The following DCAF12 variants were observed in gnomAD, a reference collection of about 807,000 sequenced individuals.
The protein encoded by DCAF12 is DDB1 and CUL4 associated factor 12, also known as DDB1- and CUL4-associated factor 12.
DCAF12 carries 28 observed loss-of-function variants against 52.8 expected under a neutral mutation model. The observed-to-expected ratio is 0.53, with a 90% CI of 0.39 to 0.73. DCAF12 has a LOEUF of 0.73. DCAF12 is among the 30% of genes least tolerant of loss of function. The probability of loss-of-function intolerance (pLI) is 0.00; values close to 1 mark genes in which losing one functional copy is unlikely to be tolerated. For synonymous variants in DCAF12, 196 were observed against 215.5 expected (o/e 0.91, Z 0.79); for missense variants, 425 against 552.2 (o/e 0.77, Z 2.31).
chr9:34,110,163 G>A (rs1004720917), intron 2 of DCAF12, among the ~76,000 whole-genome samples: 8 of 152,034 alleles, frequency 5.3e-5, no homozygotes, highest in African/African-American at 1.9e-4. Flanking sequence ...AACTACCTGA[G>A]AGCAGCAGAC....
chr9:34,104,037 T>G (rs1274564881), intron 4 of DCAF12, among the ~76,000 whole-genome samples: 1 of 151,826 alleles, frequency 6.6e-6, no homozygotes, highest in Non-Finnish European at 1.5e-5. Context: ...GGGAGGCCGA[T>G]GCAGGCAGAT....
chr9:34,118,979 T>A (rs1182879687), intron 2 of DCAF12, among the ~76,000 whole-genome samples: 1 of 151,816 alleles, frequency 6.6e-6, no homozygotes, highest in Admixed American at 6.6e-5. Flanking sequence ...AAGAAAATAA[T>A]AATAATAATA....
chr9:34,118,272 C>T (rs1829117354), intron 2 of DCAF12, among the ~76,000 whole-genome samples: 2 of 152,034 alleles, frequency 1.3e-5, no homozygotes, highest in South Asian at 4.2e-4. Context: ...TAGCCGGGAC[C>T]ACAGGCATGC....
At chr9:34,099,987 C>G (rs1332838953) in intron 4 of DCAF12, among the ~76,000 whole-genome samples, 1 of 152,162 alleles carries the variant, frequency 6.6e-6, no homozygotes, top group African/African-American at 2.4e-5. Context: ...ATCCTCCCCT[C>G]TAGAGCAGTG....
chr9:34,122,815 A>G (rs1829195022), intron 2 of DCAF12, among the ~76,000 whole-genome samples: 2 of 152,192 alleles, frequency 1.3e-5, no homozygotes, highest in Admixed American at 1.3e-4. Context: ...AAATTCCTAC[A>G]CGGCAACAGT....
chr9:34,125,233 A>C lies in DCAF12; in HGVS notation c.123T>G (p.Pro41=). 1 of 1,614,196 alleles carries C rather than the reference A, an allele frequency of 6.2e-7. No homozygotes were observed. Among genetic ancestry groups the C allele is most frequent in the Non-Finnish European group, 8.5e-7 (1 of 1,180,048 alleles). ...HSLHKRKRLP[P]VKRSLVYYLK... ...AGTAGTATACTAAGGATCTCTTCAC[A>C]GGAGGAAGTCTTTTCCTTTTGTGAA... The change falls in exon 2 of 9, where the codon CCT becomes CCG. Residue 41 remains proline (P), a synonymous_variant. Coordinates refer to ENST00000361264, the MANE Select transcript of DCAF12 (RefSeq NM_015397.4).
chr9:34,113,901 G>A (rs1397447390), intron 2 of DCAF12, among the ~76,000 whole-genome samples: 2 of 152,042 alleles, frequency 1.3e-5, no homozygotes, highest in Non-Finnish European at 2.9e-5. Flanking sequence ...GAGGTTAGGA[G>A]ATCGAGACCA....
chr9:34,108,517 C>T (rs149972662), intron 2 of DCAF12, among the ~76,000 whole-genome samples: 12 of 152,040 alleles, frequency 7.9e-5, no homozygotes, highest in Admixed American at 2.0e-4. Flanking sequence ...AAGGGCCGAG[C>T]GCAGTGGCTC....
Position 34,126,573 on chromosome 9 carries a change from G to A in DCAF12, c.-142C>T. ...AAAATGGCCCGGACCCGGAGCGGCA[G>A]CAGAAAAAAGATAGGCGGAAAGAAA... On this transcript the variant is annotated 5_prime_UTR_variant, in exon 1 of 9. Coordinates refer to ENST00000361264, the MANE Select transcript of DCAF12 (RefSeq NM_015397.4). The A allele has an allele frequency of 1.2e-6, 1 of 865,712 alleles. No individual in the cohort carries two copies. The highest frequency in any genetic ancestry group is 1.7e-6 in the Non-Finnish European group (1 of 583,150). 53.6% of individuals were successfully genotyped at this position (865,712 alleles called of 1,614,324 possible). A position where few individuals can be genotyped will look rare whatever the true frequency, so the allele number is the denominator to read the frequency against.
chr9:34,110,608 C>T (rs1459296460), intron 2 of DCAF12, among the ~76,000 whole-genome samples: 7 of 152,134 alleles, frequency 4.6e-5, no homozygotes, highest in Non-Finnish European at 1.0e-4. Context: ...AGACTCTCCT[C>T]GGGGCCAGAC....
chr9:34,094,748 T>C (rs529965863), intron 6 of DCAF12, among the ~76,000 whole-genome samples: 13 of 151,966 alleles, frequency 8.6e-5, no homozygotes, highest in South Asian at 8.3e-4. Flanking sequence ...GCCAGGATGG[T>C]CTCAATCTCC....
chr9:34,120,178 G>C (rs938990294), intron 2 of DCAF12, among the ~76,000 whole-genome samples: 2 of 118,906 alleles, frequency 1.7e-5, no homozygotes, highest in Admixed American at 2.2e-4. Context: ...ACTTCAGCCT[G>C]GGCAACAAGA....
In DCAF12 at chr9:34,089,479, G is replaced by A; in HGVS notation, c.1136C>T (p.Ala379Val). 6.2e-7 allele frequency: 1 copy of A among 1,614,138 alleles called. No homozygotes were observed. Among genetic ancestry groups the A allele is most frequent in the Non-Finnish European group, 8.5e-7 (1 of 1,180,024 alleles). The change falls in exon 8 of 9, where the codon GCT (alanine) becomes GTT (valine). Residue 379 changes from alanine (A) to valine (V), a missense_variant. Around this residue, in one of 3 missense-constraint regions of DCAF12, gnomAD observed 328 missense variants for 444.4 expected, o/e 0.74. Transcript: ENST00000361264. Reference protein sequence around the residue: ...AQRFLEERLSACYGSKPRLAG... With the variant: ...AQRFLEERLSVCYGSKPRLAG... ...TAGTCTGGGCTTGGACCCATAACAA[G>A]CTGAGAGCCTCTCTTCCAGAAATCT...
At chr9:34,125,847 C>T in intron 1 of DCAF12, 1 of 285,132 alleles carries the variant, frequency 3.5e-6, no homozygotes, top group African/African-American at 2.2e-5. Context: ...CCAAGAAGGC[C>T]TTCCCCTCCA....
At chr9:34,114,453 T>A (rs73491069) in intron 2 of DCAF12, among the ~76,000 whole-genome samples, 2,341 of 152,048 alleles carry the variant, frequency 0.015, 61 homozygotes, top group African/African-American at 0.052. Context: ...TCACCCTCAT[T>A]ATTGCAAAGG....
chr9:34,101,430 T>C (rs1828828450), intron 4 of DCAF12, among the ~76,000 whole-genome samples: 1 of 151,864 alleles, frequency 6.6e-6, no homozygotes, highest in East Asian at 2.0e-4. Flanking sequence ...TTCACTCTTA[T>C]TGCCCAGGCT....
At chr9:34,098,003 T>C (rs991860608) in intron 5 of DCAF12, among the ~76,000 whole-genome samples, 2 of 150,146 alleles carry the variant, frequency 1.3e-5, no homozygotes, top group Non-Finnish European at 3.0e-5. Flanking sequence ...GAAGCAAGTA[T>C]GAAAATCATG....
chr9:34,109,001 TA>T (rs1200230500), intron 2 of DCAF12, among the ~76,000 whole-genome samples: 1 of 41,064 alleles, frequency 2.4e-5, no homozygotes, highest in Non-Finnish European at 6.4e-5. Context: ...TATATATATA[TA>T]TGGTTTTTTT....
chr9:34,125,216 A>G lies in DCAF12; in HGVS notation c.140T>C (p.Val47Ala). 1 of 1,614,216 alleles carries G rather than the reference A, an allele frequency of 6.2e-7. No individual in the cohort carries two copies. Among genetic ancestry groups the G allele is most frequent in the East Asian group, 2.2e-5 (1 of 44,886 alleles). The change falls in exon 2 of 9, where the codon GTA becomes GCA. Residue 47 changes from valine (V) to alanine (A), a missense_variant. Val to Ala is a moderately conservative substitution (Grantham distance 64). Around this residue, in one of 3 missense-constraint regions of DCAF12, gnomAD observed 89 missense variants for 84.9 expected, o/e 1.05. Transcript: ENST00000361264. ...GACTTCCCGGTTCTTCAAGTAGTAT[A>G]CTAAGGATCTCTTCACAGGAGGAAG... ...KRLPPVKRSL[V>A]YYLKNREVRL...
Sources: gnomAD v4.1 joint callset for allele counts (sites outside exome capture counted in the v4.1 genomes callset) on GRCh38, gnomAD v4.1.1 for gene constraint, gnomAD v4.1.1 regional missense constraint, MANE v1.5 for transcripts, NCBI Gene and HGNC (gene_info 2026-07-23, HGNC 2026-07-21) for gene names.